STXBP6: variants seen among roughly 807,000 people sequenced by gnomAD.
STXBP6 encodes syntaxin binding protein 6.
In STXBP6, 21 loss-of-function variants were observed where a neutral mutation model predicts 26.9. The ratio of observed to expected loss-of-function variants is 0.78; its 90% CI spans 0.55 to 1.12. STXBP6 has a LOEUF of 1.12. STXBP6 is among the 50% of genes most tolerant of loss of function. STXBP6 has a pLI of 0.00. For missense variants in STXBP6, 232 were observed against 257.9 expected (o/e 0.90, Z 0.69); for synonymous variants, 97 against 92.6 (o/e 1.05, Z -0.27).
At chr14:24,937,627 T>C (rs2072649685) in intron 2 of STXBP6, among the ~76,000 whole-genome samples, 1 of 152,198 alleles carries the variant, frequency 6.6e-6, no homozygotes, top group African/African-American at 2.4e-5. Context: ...CATATATATA[T>C]ATGTCTTAGA....
intron 4 of STXBP6, among the ~76,000 whole-genome samples, chr14:24,821,520 C>T (rs1157453371): frequency 6.6e-6 from 1 of 152,192 alleles, no homozygotes; most frequent in Non-Finnish European, 1.5e-5. Context: ...ACATTGCTGA[C>T]TACTGCCAAT....
intron 4 of STXBP6, among the ~76,000 whole-genome samples, chr14:24,851,443 T>C (rs2069152414): frequency 6.8e-6 from 1 of 146,308 alleles, no homozygotes; most frequent in Non-Finnish European, 1.5e-5. Context: ...TATGTCCATG[T>C]GTTCTCACTG....
chr14:24,918,452 CCA>C (rs55810129), intron 2 of STXBP6, among the ~76,000 whole-genome samples: 16,836 of 133,140 alleles, frequency 0.13, 1,040 homozygotes, highest in South Asian at 0.14. Context: ...CACACCCCCA[CCA>C]CACACACACA....
chr14:24,987,778 G>A, intron 1 of STXBP6: 1 of 939,392 alleles, frequency 1.1e-6, no homozygotes. Context: ...GTGAGGTGTT[G>A]TTACCCAAGG....
chr14:24,974,709 G>A lies in STXBP6; in HGVS notation c.110C>T (p.Ala37Val). ...TAAATATTCGCCTTGACCTCCAGTT[G>A]CCAAGAAAGGAATCTTTTTCTTTGT... ...RRTKKKIPFLATGGQGEYLTY... is the reference protein window; with the variant it reads ...RRTKKKIPFLVTGGQGEYLTY... Residue 37 changes from alanine to valine, a missense_variant, in exon 2 of 6, where the codon GCA (alanine) becomes GTA (valine). Coordinates refer to ENST00000323944, the MANE Select transcript of STXBP6 (RefSeq NM_001394410.1). 1 of 1,568,840 alleles carries A rather than the reference G, an allele frequency of 6.4e-7. No individual in the cohort carries two copies.
intron 2 of STXBP6, among the ~76,000 whole-genome samples, chr14:24,970,499 GT>G (rs886918382): frequency 1.2e-4 from 18 of 149,872 alleles, no homozygotes; most frequent in African/African-American, 4.2e-4. Flanking sequence ...GCTTCTGTCT[GT>G]TTTTTTTTCA....
rs566530477 is a variant in STXBP6 at position 24,955,890 on chromosome 14, C to T, written c.154+18775G>A. Among the ~76,000 whole-genome samples, 35 of 152,340 alleles carry T rather than the reference C, an allele frequency of 2.3e-4. No homozygotes were observed. In the South Asian group the frequency reaches 7.1e-3, roughly 31 times the overall value. ...GCATTACTTCACATGTTTACAACCA[C>T]TCCAAATATTCAGCTTTCGAGCTGA... On this transcript the variant is annotated intron_variant, in intron 2 of 5. Transcript: ENST00000323944.
At chr14:24,988,156 C>T (rs2074380033) in intron 1 of STXBP6, among the ~76,000 whole-genome samples, 1 of 152,218 alleles carries the variant, frequency 6.6e-6, no homozygotes, top group South Asian at 2.1e-4. Flanking sequence ...TGCTCCTAGA[C>T]TTCTAAGAGG....
intron 1 of STXBP6, among the ~76,000 whole-genome samples, chr14:25,003,105 G>GA (rs1216263319): frequency 6.6e-6 from 1 of 152,192 alleles, no homozygotes; most frequent in Admixed American, 6.5e-5. Context: ...TTCGGCAAAA[G>GA]AATCTTAAAC....
At chr14:24,937,223 C>T (rs925087472) in intron 2 of STXBP6, among the ~76,000 whole-genome samples, 1 of 152,148 alleles carries the variant, frequency 6.6e-6, no homozygotes, top group East Asian at 1.9e-4. Flanking sequence ...ACCACCATGG[C>T]ACATGTATAC....
chr14:24,956,483 A>C (rs118077424), intron 2 of STXBP6, among the ~76,000 whole-genome samples: 3,213 of 152,330 alleles, frequency 0.021, 53 homozygotes, highest in Non-Finnish European at 0.032. Flanking sequence ...ACTGGTTTTC[A>C]GAAGTTTCTT....
At chr14:24,919,227 T>C (rs535908101) in intron 2 of STXBP6, among the ~76,000 whole-genome samples, 1 of 152,154 alleles carries the variant, frequency 6.6e-6, no homozygotes, top group East Asian at 1.9e-4. Flanking sequence ...CTGCCTAAGA[T>C]GCTTAAAATA....
intron 1 of STXBP6, among the ~76,000 whole-genome samples, chr14:25,019,973 G>A (rs2075232660): frequency 6.7e-6 from 1 of 149,528 alleles, no homozygotes; most frequent in Middle Eastern, 3.2e-3. Flanking sequence ...TAATTTTTGA[G>A]CTCTAAGATT....
intron 2 of STXBP6, among the ~76,000 whole-genome samples, chr14:24,900,900 A>C (rs1289636762): frequency 6.6e-6 from 1 of 152,226 alleles, no homozygotes; most frequent in Non-Finnish European, 1.5e-5. Flanking sequence ...ATAAATGATA[A>C]CCAACAAAGT....
At chr14:24,814,844 A>G (rs1327471018) in intron 5 of STXBP6, among the ~76,000 whole-genome samples, 1 of 152,176 alleles carries the variant, frequency 6.6e-6, no homozygotes, top group Non-Finnish European at 1.5e-5. Flanking sequence ...CCATGTGAGG[A>G]CATGATGAGG....
At chr14:25,030,323 T>C (rs1424415042) in intron 1 of STXBP6, among the ~76,000 whole-genome samples, 1 of 152,188 alleles carries the variant, frequency 6.6e-6, no homozygotes, top group Non-Finnish European at 1.5e-5. Flanking sequence ...CCTGGGCCAC[T>C]GAATGGGAAA....
intron 1 of STXBP6, among the ~76,000 whole-genome samples, chr14:25,029,968 G>T (rs543833865): frequency 1.2e-4 from 18 of 151,634 alleles, no homozygotes; most frequent in Admixed American, 1.2e-3. Flanking sequence ...GAGTCCTCAC[G>T]GTATGCAAGG....
At chr14:25,029,293 AC>A (rs2075406696) in intron 1 of STXBP6, among the ~76,000 whole-genome samples, 2 of 152,084 alleles carry the variant, frequency 1.3e-5, no homozygotes, top group Admixed American at 6.5e-5. Flanking sequence ...TGCCACAGCT[AC>A]CCCAACCTTC....
intron 2 of STXBP6, among the ~76,000 whole-genome samples, chr14:24,921,570 T>C (rs1030197850): frequency 2.0e-5 from 3 of 152,126 alleles, no homozygotes; most frequent in African/African-American, 7.2e-5. Flanking sequence ...CTCATCCAAT[T>C]CAAGGCTTAG....
Sources: allele counts gnomAD v4.1 joint callset (sites outside exome capture counted in the v4.1 genomes callset), GRCh38; gene constraint gnomAD v4.1.1; transcripts MANE v1.5; gene names NCBI Gene and HGNC (gene_info 2026-07-23, HGNC 2026-07-21).